The following ZFHX3 variants were observed in gnomAD, a reference collection of about 807,000 sequenced individuals.
The protein encoded by ZFHX3 is zinc finger homeobox protein 3.
In ZFHX3, 42 loss-of-function variants were observed where a neutral mutation model predicts 279.1. The observed-to-expected ratio is 0.15, with a 90% CI of 0.12 to 0.19. The LOEUF is 0.19. ZFHX3 is among the 10% of genes least tolerant of loss of function. The pLI is 1.00. For synonymous variants in ZFHX3, 2,293 were observed against 1,957.8 expected, an observed-to-expected ratio of 1.17 and a Z score of -4.52; for missense variants, 4,981 against 4,754.0, an observed-to-expected ratio of 1.05 and a Z score of -1.40.
At chr16:73,706,909 C>G (rs2053310562) in intron 1 of ZFHX3, among the ~76,000 whole-genome samples, 1 of 152,162 alleles carries the variant, frequency 6.6e-6, no homozygotes, top group Non-Finnish European at 1.5e-5. Flanking sequence ...GCTATTCTTA[C>G]TTTAACGATT....
chr16:73,183,034 A>T (rs1879349428), intron 5 of ZFHX3, among the ~76,000 whole-genome samples: 1 of 152,150 alleles, frequency 6.6e-6, no homozygotes, highest in Admixed American at 6.5e-5. Context: ...GTGAAACCCC[A>T]TCTCTACTAA....
intron 2 of ZFHX3, among the ~76,000 whole-genome samples, chr16:73,524,414 C>T (rs531427265): frequency 5.9e-5 from 9 of 152,244 alleles, no homozygotes; most frequent in South Asian, 2.1e-4. Context: ...TGAAGTCTTG[C>T]GGCCTTTCCA....
intron 1 of ZFHX3, among the ~76,000 whole-genome samples, chr16:73,750,002 A>T (rs908431079): frequency 1.3e-5 from 2 of 152,006 alleles, no homozygotes; most frequent in Non-Finnish European, 2.9e-5. Context: ...CTATGTATCT[A>T]CTCACCTGGC....
chr16:73,446,340 T>C lies in ZFHX3; in HGVS notation c.-1291+9663A>G, dbSNP rs968922932. 2.8e-4 allele frequency among the ~76,000 whole-genome samples: 42 copies of C among 152,140 alleles called. 1 individual carries two copies. Among genetic ancestry groups the C allele is most frequent in the African/African-American group, 1.0e-3 (42 of 41,434 alleles). On this transcript the variant is annotated intron_variant, in intron 3 of 17. Coordinates refer to the ZFHX3 transcript ENST00000641206. Reference sequence around the variant, plus strand: ...AGGGCTGGGGAGGCCTCAGGAAACTTACAATCATGGTGGAAGGGGAAAGAA... The same window carrying C: ...AGGGCTGGGGAGGCCTCAGGAAACTCACAATCATGGTGGAAGGGGAAAGAA...
intron 2 of ZFHX3, among the ~76,000 whole-genome samples, chr16:73,619,827 A>C (rs1327751611): frequency 6.6e-6 from 1 of 152,128 alleles, no homozygotes; most frequent in Non-Finnish European, 1.5e-5. Context: ...TATGCACAAC[A>C]GTCTCTATCC....
At chr16:73,448,229 G>C (rs1174497971) in intron 3 of ZFHX3, among the ~76,000 whole-genome samples, 3 of 152,084 alleles carry the variant, frequency 2.0e-5, no homozygotes, top group Admixed American at 6.6e-5. Flanking sequence ...ACTTTAAAAA[G>C]GGAATGAGGT....
rs2035934612 is a variant in ZFHX3, at chr16:72,797,086, C to T, written c.5596G>A (p.Ala1866Thr). ...GGGTGCTGGCTTGGCTGAAGGAGGG[C>T]AGAGTGACTCTGGGCTATAGAGAGT... The part of the protein sequence containing the change: ...NQLSIAQSHS[A>T]LLQPSQHPEK... The change falls in exon 9 of 10, where the codon GCC becomes ACC. Residue 1866 changes from alanine to threonine, a missense_variant. By Grantham distance (58) the Ala-to-Thr change is moderately conservative (BLOSUM62 0). Coordinates refer to ENST00000268489, the MANE Select transcript of ZFHX3 (RefSeq NM_006885.4). 3.1e-6 allele frequency: 5 copies of T among 1,613,794 alleles called. No homozygotes were observed. Among genetic ancestry groups the T allele is most frequent in the Non-Finnish European group, 4.2e-6 (5 of 1,180,016 alleles).
At chr16:73,292,700 G>A (rs2014803940) in intron 4 of ZFHX3, among the ~76,000 whole-genome samples, 1 of 152,120 alleles carries the variant, frequency 6.6e-6, no homozygotes, top group Non-Finnish European at 1.5e-5. Context: ...GCGGGAGCGG[G>A]CCTCAGGGGG....
intron 3 of ZFHX3, among the ~76,000 whole-genome samples, chr16:73,454,874 GA>G (rs1330161264): frequency 1.3e-5 from 2 of 151,024 alleles, no homozygotes; most frequent in Non-Finnish European, 2.9e-5. Context: ...ACAGTGTTGG[GA>G]AAGCTAGGAT....
At chr16:73,326,673 A>G (rs2015696352) in intron 3 of ZFHX3, among the ~76,000 whole-genome samples, 1 of 152,204 alleles carries the variant, frequency 6.6e-6, no homozygotes, top group Non-Finnish European at 1.5e-5. Context: ...TGATGAAAAT[A>G]TTCTCAACTT....
At chr16:73,405,961 C>T (rs1169001205) in intron 3 of ZFHX3, among the ~76,000 whole-genome samples, 3 of 152,236 alleles carry the variant, frequency 2.0e-5, no homozygotes, top group African/African-American at 7.2e-5. Flanking sequence ...GAGAGTGCCA[C>T]ACAAACAATT....
At chr16:73,306,295 A>G (rs1214774890) in intron 4 of ZFHX3, among the ~76,000 whole-genome samples, 3 of 152,218 alleles carry the variant, frequency 2.0e-5, no homozygotes, top group Non-Finnish European at 2.9e-5. Context: ...GGTGATTTGA[A>G]TATCTGCATT....
intron 1 of ZFHX3, among the ~76,000 whole-genome samples, chr16:73,887,137 G>A (rs978492193): frequency 7.2e-5 from 11 of 152,208 alleles, no homozygotes; most frequent in African/African-American, 2.4e-4. Flanking sequence ...ATAAAATTGG[G>A]AGATGCTAGG....
At chr16:72,827,873 C>G (rs889576585) in intron 5 of ZFHX3, among the ~76,000 whole-genome samples, 1 of 152,200 alleles carries the variant, frequency 6.6e-6, no homozygotes, top group African/African-American at 2.4e-5. Context: ...TGGTGTGCTG[C>G]CCATTCATTC....
At chr16:73,401,852 CAT>C (rs1167506857) in intron 3 of ZFHX3, 1 of 152,226 alleles carries the variant, frequency 6.6e-6, no homozygotes, top group Admixed American at 6.5e-5. Flanking sequence ...GAGGCTTACA[CAT>C]AGAGAGCCCT....
At chr16:73,205,785 A>G (rs377292152) in intron 5 of ZFHX3, among the ~76,000 whole-genome samples, 27 of 152,330 alleles carry the variant, frequency 1.8e-4, no homozygotes, top group African/African-American at 6.5e-4. Flanking sequence ...TTTGGTGGAA[A>G]TTAGAAAGAA....
chr16:73,667,944 C>T (rs1256154074), intron 2 of ZFHX3, among the ~76,000 whole-genome samples: 1 of 152,186 alleles, frequency 6.6e-6, no homozygotes, highest in Non-Finnish European at 1.5e-5. Context: ...GGCCAATTAG[C>T]AATTTCTTTG....
intron 2 of ZFHX3, chr16:73,608,536 C>T (rs2052213959): frequency 6.6e-6 from 1 of 152,112 alleles, no homozygotes; most frequent in South Asian, 2.1e-4. Context: ...TGTTTTTTAT[C>T]TTGATGAAAT....
chr16:73,598,298 T>C (rs144662291), intron 2 of ZFHX3, among the ~76,000 whole-genome samples: 49 of 152,346 alleles, frequency 3.2e-4, no homozygotes, highest in African/African-American at 1.2e-3. Context: ...CAAATTCTTC[T>C]GGTTTAGCTA....
Sources: allele counts gnomAD v4.1 joint callset (sites outside exome capture counted in the v4.1 genomes callset), GRCh38; gene constraint gnomAD v4.1.1; transcripts MANE v1.5; gene names NCBI Gene and HGNC (gene_info 2026-07-23, HGNC 2026-07-21).